The following FANCB variants were observed in gnomAD, a reference collection of about 807,000 sequenced individuals.
FANCB encodes FA complementation group B.
FANCB carries 5 observed loss-of-function variants against 38.9 expected under a neutral mutation model. The observed-to-expected ratio is 0.13, with a 90% CI of 0.07 to 0.27. The LOEUF (loss-of-function observed/expected upper bound fraction) is 0.27. Among genes scored for constraint, FANCB ranks in the 10% least tolerant of loss-of-function variants. The probability of loss-of-function intolerance (pLI) is 1.00; values close to 1 mark genes in which losing one functional copy is unlikely to be tolerated. For missense variants in FANCB, 573 were observed against 602.7 expected (o/e 0.95, Z 0.52); for synonymous variants, 236 against 215.4 (o/e 1.10, Z -0.84).
At chrX:14,871,831 T>TC (rs1190698836) in intron 1 of FANCB, among the ~76,000 whole-genome samples, 2 of 109,966 alleles carry the variant, frequency 1.8e-5, no homozygotes, top group African/African-American at 3.3e-5. Context: ...CTATTTTTTT[T>TC]TTTTTTCCTG....
intron 4 of FANCB, 106 bp downstream of exon 4, chrX:14,859,076 T>G (rs2092435446): frequency 4.1e-6 from 2 of 488,336 alleles, no homozygotes; most frequent in South Asian, 8.4e-5. Context: ...GTTCAAAATT[T>G]TAAGTATAAA....
chrX:14,783,514 G>C, the FANCB span, among the ~76,000 whole-genome samples: 1 of 112,023 alleles, frequency 8.9e-6, no homozygotes, highest in Admixed American at 9.5e-5. Context: ...TACCCCACCA[G>C]TTATTGTTGC....
chrX:14,693,490 T>C, the FANCB span, among the ~76,000 whole-genome samples: 1 of 111,552 alleles, frequency 9.0e-6, no homozygotes, highest in Non-Finnish European at 1.9e-5. Flanking sequence ...TTGACAGATA[T>C]AAAGAAGAAA....
chrX:14,806,655 C>A, the FANCB span, among the ~76,000 whole-genome samples: 2 of 111,504 alleles, frequency 1.8e-5, no homozygotes, highest in African/African-American at 6.5e-5. Context: ...TATTTAACAA[C>A]AGAGGAAAAG....
the FANCB span, among the ~76,000 whole-genome samples, chrX:14,811,241 G>C: frequency 9.0e-6 from 1 of 111,437 alleles, no homozygotes; most frequent in Non-Finnish European, 1.9e-5. Context: ...ATCGAGGCTA[G>C]GAAGAAACTG....
downstream of FANCB, among the ~76,000 whole-genome samples, chrX:14,832,286 C>G (rs1403344226): frequency 4.5e-5 from 5 of 111,531 alleles, no homozygotes; most frequent in Non-Finnish European, 9.4e-5. Context: ...CTACATAACT[C>G]CAGCCCCTGC....
At chrX:14,799,964 C>A in the FANCB span, among the ~76,000 whole-genome samples, 1 of 111,640 alleles carries the variant, frequency 9.0e-6, no homozygotes, top group Non-Finnish European at 1.9e-5. Flanking sequence ...CTGCTTATAG[C>A]AAGACTCTAG....
intron 5 of FANCB, among the ~76,000 whole-genome samples, chrX:14,854,541 G>T (rs993046524): frequency 3.6e-5 from 4 of 111,624 alleles, no homozygotes; most frequent in Non-Finnish European, 5.6e-5. Flanking sequence ...AATAGATTGT[G>T]TACCTTCCCA....
At chrX:14,797,500 G>C in the FANCB span, among the ~76,000 whole-genome samples, 1 of 110,584 alleles carries the variant, frequency 9.0e-6, no homozygotes, top group Non-Finnish European at 1.9e-5. Context: ...TGGCCAACAT[G>C]ATGAAACCCC....
chrX:14,771,986 T>G, the FANCB span, among the ~76,000 whole-genome samples: 2 of 111,531 alleles, frequency 1.8e-5, no homozygotes, highest in African/African-American at 6.5e-5. Flanking sequence ...CTCTAGAAGC[T>G]CCATCCCAGG....
the FANCB span, among the ~76,000 whole-genome samples, chrX:14,814,538 G>A: frequency 8.9e-6 from 1 of 112,272 alleles, no homozygotes; most frequent in Non-Finnish European, 1.9e-5. Context: ...TTCAAAAGAA[G>A]ACATTTATGC....
the FANCB span, among the ~76,000 whole-genome samples, chrX:14,815,284 C>T: frequency 2.8e-5 from 3 of 107,261 alleles, no homozygotes; most frequent in African/African-American, 1.0e-4. Flanking sequence ...CAAACCTGCA[C>T]GTTGTGCACA....
the FANCB span, among the ~76,000 whole-genome samples, chrX:14,768,669 T>C: frequency 8.9e-6 from 1 of 111,795 alleles, no homozygotes; most frequent in Admixed American, 9.5e-5. Context: ...TCTTGCCTGA[T>C]TGCCCTGGCC....
chrX:14,830,351 T>C, the FANCB span, among the ~76,000 whole-genome samples: 1 of 111,277 alleles, frequency 9.0e-6, no homozygotes, highest in Non-Finnish European at 1.9e-5. Flanking sequence ...AAAATGGTGC[T>C]GGTAGACTTG....
chrX:14,725,883 G>A, the FANCB span, among the ~76,000 whole-genome samples: 5 of 112,358 alleles, frequency 4.5e-5, no homozygotes, highest in Non-Finnish European at 7.5e-5. Context: ...ATCAAAGTGC[G>A]ATATAAAAAT....
chrX:14,695,927 C>A, the FANCB span, among the ~76,000 whole-genome samples: 1 of 110,565 alleles, frequency 9.0e-6, no homozygotes, highest in Non-Finnish European at 1.9e-5. Context: ...AGTGGGAGTG[C>A]CCATATGAGA....
chrX:14,817,415 G>C, the FANCB span, among the ~76,000 whole-genome samples: 2 of 111,674 alleles, frequency 1.8e-5, no homozygotes, highest in Non-Finnish European at 3.8e-5. Context: ...TCATTATCAG[G>C]CTTCTCCACA....
the FANCB span, among the ~76,000 whole-genome samples, chrX:14,802,733 T>C: frequency 1.3e-3 from 144 of 111,928 alleles, no homozygotes; most frequent in Non-Finnish European, 2.2e-3. Flanking sequence ...GCCAAAGTCT[T>C]GGATAACCCC....
intron 10 of FANCB, among the ~76,000 whole-genome samples, chrX:14,836,434 T>C (rs1266022536): frequency 1.8e-5 from 2 of 112,176 alleles, no homozygotes; most frequent in Admixed American, 1.9e-4. Context: ...AACAAATAAA[T>C]AGGGCAAAAT....
Sources: allele counts gnomAD v4.1 joint callset (sites outside exome capture counted in the v4.1 genomes callset), GRCh38; gene constraint gnomAD v4.1.1; transcripts MANE v1.5; gene names NCBI Gene and HGNC (gene_info 2026-07-23, HGNC 2026-07-21).